The following NELL1 variants were observed in gnomAD, a reference collection of about 807,000 sequenced individuals.
The protein encoded by NELL1 is neural EGFL like 1, also known as protein kinase C-binding protein NELL1.
NELL1 carries 76 observed loss-of-function variants against 107.4 expected under a neutral mutation model. That is an observed-to-expected ratio of 0.71 (90% CI 0.59 to 0.86). The LOEUF (loss-of-function observed/expected upper bound fraction) is 0.86, where lower values mean the gene tolerates loss of function less well. Ranked by LOEUF, NELL1 falls within the 40% of genes least tolerant of loss-of-function variation. The pLI, the probability that NELL1 is intolerant of heterozygous loss-of-function variation, is 0.00. For missense variants in NELL1, 1,024 were observed against 1,005.5 expected (o/e 1.02, Z -0.25); for synonymous variants, 353 against 341.2 (o/e 1.03, Z -0.38).
intron 12 of NELL1, among the ~76,000 whole-genome samples, chr11:21,054,020 A>G (rs1208169411): frequency 6.6e-6 from 1 of 152,150 alleles, no homozygotes; most frequent in African/African-American, 2.4e-5. Context: ...GCTTTCCATG[A>G]TTTCAGAAGC....
At chr11:21,052,079 G>C (rs1386686692) in intron 12 of NELL1, among the ~76,000 whole-genome samples, 1 of 152,028 alleles carries the variant, frequency 6.6e-6, no homozygotes, top group East Asian at 1.9e-4. Context: ...CCTGCATAGA[G>C]TGAGTGAGCT....
intron 14 of NELL1, among the ~76,000 whole-genome samples, chr11:21,351,546 T>A (rs1037694923): frequency 3.9e-5 from 6 of 152,122 alleles, no homozygotes; most frequent in African/African-American, 9.7e-5. Flanking sequence ...AGAAACTTTT[T>A]AAATTTCTAA....
intron 15 of NELL1, among the ~76,000 whole-genome samples, chr11:21,446,264 T>C (rs865848299): frequency 2.0e-5 from 3 of 152,202 alleles, no homozygotes; most frequent in Non-Finnish European, 2.9e-5. Flanking sequence ...TGAATTTCTT[T>C]GAATTTCCTC....
chr11:21,439,120 A>G (rs1230938972), intron 15 of NELL1, among the ~76,000 whole-genome samples: 2 of 151,832 alleles, frequency 1.3e-5, no homozygotes, highest in Admixed American at 6.6e-5. Context: ...AACAGGAACA[A>G]TCCACAAGCA....
chr11:21,544,906 G>A (rs1328834672), intron 16 of NELL1, among the ~76,000 whole-genome samples: 1 of 151,218 alleles, frequency 6.6e-6, no homozygotes, highest in African/African-American at 2.4e-5. Context: ...CCGTTCTGTG[G>A]CAAAAAATGA....
chr11:20,746,674 C>T (rs1230543689), intron 2 of NELL1, among the ~76,000 whole-genome samples: 2 of 151,874 alleles, frequency 1.3e-5, no homozygotes, highest in Admixed American at 1.3e-4. Flanking sequence ...AGATAAAGGA[C>T]ATTGAAGGTG....
rs552163463 is a variant in NELL1 at position 20,705,931 on chromosome 11, G to A, written c.184+27871G>A. On this transcript the variant is annotated intron_variant, in intron 2 of 19. Transcript: ENST00000357134. ...CGTGAAAAAATGCTCATCATGACTG[G>A]CCATCAGAGAAATGCAAATGAAAAC... 2.4e-4 allele frequency among the ~76,000 whole-genome samples: 36 copies of A among 152,238 alleles called. 1 individual carries two copies. Among genetic ancestry groups the A allele is most frequent in the East Asian group, 2.3e-3 (12 of 5,182 alleles).
chr11:20,960,288 C>T (rs1256020531), intron 11 of NELL1, 144 bp from the exon 12 acceptor site: 3 of 833,740 alleles, frequency 3.6e-6, no homozygotes, highest in Non-Finnish European at 5.5e-6. Context: ...TATTCTGCCA[C>T]TTTCCTATCC....
intron 5 of NELL1, among the ~76,000 whole-genome samples, chr11:20,913,685 A>AT (rs1389052548): frequency 6.6e-6 from 1 of 151,638 alleles, no homozygotes; most frequent in Non-Finnish European, 1.5e-5. Flanking sequence ...AAAAAAATCC[A>AT]TTTTTCTGCC....
chr11:21,138,412 A>G (rs1189831710), intron 13 of NELL1, among the ~76,000 whole-genome samples: 3 of 152,222 alleles, frequency 2.0e-5, no homozygotes, highest in Admixed American at 6.5e-5. Context: ...GTGCCAGGGC[A>G]CAAACTGAGA....
chr11:21,220,676 T>C (rs150799145), intron 13 of NELL1, among the ~76,000 whole-genome samples: 4 of 152,170 alleles, frequency 2.6e-5, no homozygotes, highest in Non-Finnish European at 5.9e-5. Flanking sequence ...GCTAGTTTGT[T>C]GCTGATGTAT....
intron 3 of NELL1, among the ~76,000 whole-genome samples, chr11:20,827,088 C>A (rs1210102093): frequency 1.3e-5 from 2 of 151,016 alleles, no homozygotes; most frequent in African/African-American, 4.8e-5. Flanking sequence ...GCGGAAAGAA[C>A]CATGGCTTGG....
At chr11:20,737,515 T>C (rs1021779173) in intron 2 of NELL1, among the ~76,000 whole-genome samples, 14 of 152,166 alleles carry the variant, frequency 9.2e-5, no homozygotes, top group African/African-American at 3.4e-4. Flanking sequence ...GTTTTTTTAA[T>C]GTGTTGTGCC....
At chr11:21,043,781 G>A (rs1034132023) in intron 12 of NELL1, among the ~76,000 whole-genome samples, 29 of 152,232 alleles carry the variant, frequency 1.9e-4, no homozygotes, top group Admixed American at 1.2e-3. Context: ...CATGGTACTC[G>A]TTTCTGAATT....
At chr11:21,144,844 A>G (rs1005717497) in intron 13 of NELL1, among the ~76,000 whole-genome samples, 3 of 152,178 alleles carry the variant, frequency 2.0e-5, no homozygotes, top group Non-Finnish European at 4.4e-5. Context: ...GAGATGAGGT[A>G]GGGTTTCCCA....
intron 14 of NELL1, among the ~76,000 whole-genome samples, chr11:21,263,710 T>C (rs901228072): frequency 2.6e-5 from 4 of 151,870 alleles, no homozygotes; most frequent in Non-Finnish European, 5.9e-5. Context: ...AAGTATCTGG[T>C]GGTGTTAATT....
At chr11:21,052,399 C>T (rs1475003176) in intron 12 of NELL1, among the ~76,000 whole-genome samples, 1 of 151,882 alleles carries the variant, frequency 6.6e-6, no homozygotes, top group African/African-American at 2.4e-5. Context: ...TTAGGAGGCT[C>T]CTAGAAAAAT....
chr11:20,765,598 G>C (rs1469541781), intron 2 of NELL1, among the ~76,000 whole-genome samples: 1 of 152,160 alleles, frequency 6.6e-6, no homozygotes, highest in East Asian at 1.9e-4. Flanking sequence ...GGGCGAAAGT[G>C]TGTTTCAGGC....
chr11:21,487,992 A>AAT (rs1228373210), intron 15 of NELL1, among the ~76,000 whole-genome samples: 1 of 152,170 alleles, frequency 6.6e-6, no homozygotes, highest in Non-Finnish European at 1.5e-5. Context: ...AACAATTCTA[A>AAT]ATATATATAC....
Sources: allele counts gnomAD v4.1 joint callset (sites outside exome capture counted in the v4.1 genomes callset), GRCh38; gene constraint gnomAD v4.1.1; transcripts MANE v1.5; gene names NCBI Gene and HGNC (gene_info 2026-07-23, HGNC 2026-07-21).